The following ZNF91 variants were observed in gnomAD, a reference collection of about 807,000 sequenced individuals.
The protein encoded by ZNF91 is zinc finger protein 91, also known as zinc finger protein 91 (HPF7, HTF10).
Under a neutral mutation model 12.6 loss-of-function variants are expected in ZNF91, and 7 were observed. That is an observed-to-expected ratio of 0.55 (90% CI 0.31 to 1.04). The LOEUF is 1.04. ZNF91 is among the 50% of genes least tolerant of loss of function. The pLI, the probability that ZNF91 is intolerant of heterozygous loss-of-function variation, is 0.05. For missense variants in ZNF91, 1,217 were observed against 1,385.4 expected, an observed-to-expected ratio of 0.88 and a Z score of 1.93; for synonymous variants, 453 against 462.6, an observed-to-expected ratio of 0.98 and a Z score of 0.27.
At chr19:23,381,061 GTTAAA>G (rs761810614) in intron 1 of ZNF91, among the ~76,000 whole-genome samples, 4 of 151,944 alleles carry the variant, frequency 2.6e-5, no homozygotes, top group Non-Finnish European at 4.4e-5. Flanking sequence ...ATCCCTATTG[GTTAAA>G]TTAATAAGTA....
intron 1 of ZNF91, chr19:23,385,266 G>A: frequency 1.9e-6 from 1 of 512,878 alleles, no homozygotes; most frequent in Non-Finnish European, 3.5e-6. Context: ...TGGATGAGGG[G>A]CTGAATGTCA....
chr19:23,348,574 G>C (rs1160614442), intron 3 of ZNF91, among the ~76,000 whole-genome samples: 1 of 152,154 alleles, frequency 6.6e-6, no homozygotes, highest in African/African-American at 2.4e-5. Flanking sequence ...TGATGATTGA[G>C]TTAACTGTAC....
chr19:23,385,023 C>T (rs1969830140), intron 1 of ZNF91: 5 of 1,227,022 alleles, frequency 4.1e-6, no homozygotes, highest in Non-Finnish European at 3.6e-6. Flanking sequence ...ACGGGACAGT[C>T]CACCAGGGAG....
At chr19:23,391,746 T>C (rs1255030622) in intron 1 of ZNF91, among the ~76,000 whole-genome samples, 1 of 152,096 alleles carries the variant, frequency 6.6e-6, no homozygotes, top group Admixed American at 6.5e-5. Context: ...TGTCTCAGTA[T>C]AGGGGCTTCT....
chr19:23,309,751 T>C (rs913507804), intron 1 of ZNF91, among the ~76,000 whole-genome samples: 1 of 152,148 alleles, frequency 6.6e-6, no homozygotes, highest in African/African-American at 2.4e-5. Context: ...AGATCCTGGG[T>C]TTCCTTTCTG....
intron 1 of ZNF91, among the ~76,000 whole-genome samples, chr19:23,332,020 T>C (rs1967935719): frequency 6.6e-6 from 1 of 152,230 alleles, no homozygotes; most frequent in African/African-American, 2.4e-5. Flanking sequence ...CAAATCTGTC[T>C]AGAGTACTTT....
intron 1 of ZNF91, among the ~76,000 whole-genome samples, chr19:23,375,958 G>C (rs1475528308): frequency 6.6e-6 from 1 of 152,114 alleles, no homozygotes; most frequent in African/African-American, 2.4e-5. Context: ...AATATCAGTT[G>C]CATGGAAAGT....
downstream of ZNF91, among the ~76,000 whole-genome samples, chr19:23,356,685 A>G (rs1968494994): frequency 6.6e-6 from 1 of 152,176 alleles, no homozygotes; most frequent in African/African-American, 2.4e-5. Context: ...CCACTAAAGA[A>G]CTTACTCAAC....
chr19:23,317,965 A>G (rs1967603444), intron 1 of ZNF91, among the ~76,000 whole-genome samples: 2 of 152,198 alleles, frequency 1.3e-5, no homozygotes, highest in African/African-American at 4.8e-5. Context: ...ACCTCTGTCC[A>G]GCAACTAAGT....
At chr19:23,335,228 G>A (rs760158758), downstream of ZNF91, among the ~76,000 whole-genome samples, 12 of 152,168 alleles carry the variant, frequency 7.9e-5, no homozygotes, top group Non-Finnish European at 1.6e-4. Context: ...GATGTCAGTT[G>A]GCCCCTACAG....
intron 1 of ZNF91, among the ~76,000 whole-genome samples, chr19:23,322,231 A>G (rs1325875341): frequency 6.6e-6 from 1 of 152,084 alleles, no homozygotes; most frequent in Non-Finnish European, 1.5e-5. Flanking sequence ...GGGCTCTCAA[A>G]CCTAGGTGAT....
At chr19:23,391,167 AT>A (rs1244212163) in intron 1 of ZNF91, among the ~76,000 whole-genome samples, 1 of 152,186 alleles carries the variant, frequency 6.6e-6, no homozygotes, top group East Asian at 1.9e-4. Context: ...GACAGTATCT[AT>A]TTTTTTGCTC....
At chr19:23,343,109 C>G (rs985258706) in intron 3 of ZNF91, among the ~76,000 whole-genome samples, 5 of 152,140 alleles carry the variant, frequency 3.3e-5, no homozygotes, top group African/African-American at 1.2e-4. Flanking sequence ...CTGAATAATA[C>G]AGCATAAAAT....
chr19:23,313,273 T>C (rs1967499838), upstream of ZNF91, among the ~76,000 whole-genome samples: 1 of 152,206 alleles, frequency 6.6e-6, no homozygotes, highest in African/African-American at 2.4e-5. Context: ...TGTGACTTAT[T>C]TTTGGACCCA....
At chr19:23,345,195 C>T (rs939358951) in intron 3 of ZNF91, among the ~76,000 whole-genome samples, 8 of 152,220 alleles carry the variant, frequency 5.3e-5, no homozygotes, top group African/African-American at 1.9e-4. Context: ...TATCATCTCC[C>T]TCCAGCTTCC....
At chr19:23,349,764 C>T (rs1334111599) in intron 3 of ZNF91, among the ~76,000 whole-genome samples, 1 of 152,176 alleles carries the variant, frequency 6.6e-6, no homozygotes, top group East Asian at 1.9e-4. Flanking sequence ...ACCCCCAAGG[C>T]TACTCCTTCC....
chr19:23,341,586 T>C (rs2065377971), intron 3 of ZNF91, among the ~76,000 whole-genome samples: 2 of 152,114 alleles, frequency 1.3e-5, no homozygotes, highest in South Asian at 4.1e-4. Context: ...AAAAAATATT[T>C]TGCCAACAAA....
intron 1 of ZNF91, among the ~76,000 whole-genome samples, chr19:23,315,624 C>T (rs1487792914): frequency 6.6e-6 from 1 of 152,036 alleles, no homozygotes; most frequent in Non-Finnish European, 1.5e-5. Flanking sequence ...GACATATTGC[C>T]TGGTGCAGCA....
intron 1 of ZNF91, among the ~76,000 whole-genome samples, chr19:23,393,114 T>C (rs1169733869): frequency 6.6e-6 from 1 of 152,008 alleles, no homozygotes; most frequent in Non-Finnish European, 1.5e-5. Flanking sequence ...ATTTTTTTAC[T>C]ATTTTTCTTG....
Sources: allele counts gnomAD v4.1 joint callset (sites outside exome capture counted in the v4.1 genomes callset), GRCh38; gene constraint gnomAD v4.1.1; transcripts MANE v1.5; gene names NCBI Gene and HGNC (gene_info 2026-07-23, HGNC 2026-07-21).